Variants in SHROOM4 observed in about 807,000 individuals in gnomAD.
SHROOM4 encodes protein Shroom4.
A neutral mutation model predicts 80.3 loss-of-function variants in SHROOM4; 17 were observed. The ratio of observed to expected loss-of-function variants is 0.21; its 90% CI spans 0.14 to 0.32. The LOEUF is 0.32. SHROOM4 is among the 10% of genes least tolerant of loss of function. SHROOM4 has a pLI of 1.00. For missense variants in SHROOM4, 993 were observed against 1,140.3 expected (o/e 0.87, Z 1.86); for synonymous variants, 400 against 437.5 (o/e 0.91, Z 1.07).
intron 5 of SHROOM4, among the ~76,000 whole-genome samples, chrX:50,610,352 T>TCTCTCACACACA (rs782591424): frequency 0.013 from 1,149 of 91,677 alleles, 19 homozygotes; most frequent in African/African-American, 0.04. Context: ...TCTCTCTCTC[T>TCTCTCACACACA]CACACACACA....
At chrX:50,610,383 C>G (rs868918591) in intron 5 of SHROOM4, among the ~76,000 whole-genome samples, 27 of 110,006 alleles carry the variant, frequency 2.5e-4, no homozygotes, top group Admixed American at 1.9e-3. Context: ...CACACACACA[C>G]AGTGATGGAC....
chrX:50,743,361 C>T lies in SHROOM4; in HGVS notation c.118-47424G>A, dbSNP rs782424611. ...GAGGGAGAAGGAATATGTAATTACA[C>T]TGTCTTAATCACTACACAATTACCT... On this transcript the variant is annotated intron_variant, in intron 1 of 8. Transcript: ENST00000376020. Among the ~76,000 whole-genome samples the T allele has an allele frequency of 8.1e-5, 9 of 111,602 alleles. No individual in the cohort carries two copies. The South Asian group carries it at 3.4e-3, about 42-fold the overall frequency.
At chrX:50,611,034 G>C (rs1929949188) in intron 5 of SHROOM4, among the ~76,000 whole-genome samples, 1 of 109,650 alleles carries the variant, frequency 9.1e-6, no homozygotes. Flanking sequence ...GGCCCATTGA[G>C]TATATTTTTA....
rs782650760 is a variant in SHROOM4 at position 50,652,553 on chromosome X, T to C, written c.270-14245A>G. On this transcript the variant is annotated intron_variant, in intron 2 of 8. Transcript: ENST00000376020. ...TCACTCTGATGATAGTTTCTTTTGCTGTGCAGAAGCTCTTTAGTTTAATTA... is the reference window on the plus strand; with the variant it reads ...TCACTCTGATGATAGTTTCTTTTGCCGTGCAGAAGCTCTTTAGTTTAATTA... Among the ~76,000 whole-genome samples the C allele has an allele frequency of 4.5e-5, 5 of 112,049 alleles. No individual in the cohort carries two copies. In the East Asian group the frequency reaches 8.5e-4, roughly 19 times the overall value.
chrX:50,662,963 G>A (rs899840285), intron 2 of SHROOM4, among the ~76,000 whole-genome samples: 2 of 111,426 alleles, frequency 1.8e-5, no homozygotes, highest in East Asian at 5.7e-4. Flanking sequence ...AAGATGTTTG[G>A]CTGTGAAGGA....
chrX:50,743,724 T>C (rs1439872247), intron 1 of SHROOM4, among the ~76,000 whole-genome samples: 1 of 111,984 alleles, frequency 8.9e-6, no homozygotes, highest in Non-Finnish European at 1.9e-5. Flanking sequence ...CCCAAAGTGC[T>C]GGGATTACAG....
At chrX:50,806,498 G>A (rs1462542305) in intron 1 of SHROOM4, among the ~76,000 whole-genome samples, 2 of 112,069 alleles carry the variant, frequency 1.8e-5, no homozygotes, top group African/African-American at 6.5e-5. Flanking sequence ...GAGGTATAAG[G>A]AGACAAACCT....
chrX:50,812,557 CTGAT>C (rs1557273541), intron 1 of SHROOM4, among the ~76,000 whole-genome samples: 1 of 110,505 alleles, frequency 9.0e-6, no homozygotes, highest in East Asian at 2.9e-4. Context: ...ACTCCTCAAT[CTGAT>C]TGGTACACCC....
intron 1 of SHROOM4, among the ~76,000 whole-genome samples, chrX:50,754,067 A>AT (rs1225339673): frequency 1.8e-5 from 2 of 112,344 alleles, no homozygotes; most frequent in Non-Finnish European, 3.8e-5. Context: ...ATTGACAGGT[A>AT]TTCTGCCCAA....
At position 50,642,671 on chromosome X, in the gene SHROOM4, G is replaced by A. The variant is rs782601419; in HGVS notation, c.270-4363C>T. ...GTAGAGATGGGGTTTCACCATGTTG[G>A]CCAGGCTGGTCTTGAACTCCTGGCC... On this transcript the variant is annotated intron_variant, in intron 2 of 8. Coordinates refer to ENST00000376020, the MANE Select transcript of SHROOM4 (RefSeq NM_020717.5). Among the ~76,000 whole-genome samples the A allele has an allele frequency of 2.3e-3, 256 of 111,290 alleles. 1 individual carries two copies. Among genetic ancestry groups the A allele is most frequent in the Non-Finnish European group, 4.4e-3 (233 of 53,013 alleles).
At chrX:50,813,811 T>C (rs111399801) in intron 1 of SHROOM4, 91 bp downstream of exon 1, 15 of 676,774 alleles carry the variant, frequency 2.2e-5, no homozygotes, top group African/African-American at 1.7e-4. Context: ...AGTTTCAAAG[T>C]TGGCCTGAGG....
chrX:50,675,187 G>A (rs1488528154), intron 2 of SHROOM4, among the ~76,000 whole-genome samples: 1 of 111,293 alleles, frequency 9.0e-6, no homozygotes, highest in Non-Finnish European at 1.9e-5. Flanking sequence ...TGGAGGGTGG[G>A]AGGAGGGAGA....
chrX:50,649,090 G>T (rs1444809393), intron 2 of SHROOM4, among the ~76,000 whole-genome samples: 1 of 112,123 alleles, frequency 8.9e-6, no homozygotes, highest in Non-Finnish European at 1.9e-5. Context: ...AGAATCAACA[G>T]CGTTGGACTG....
Position 50,594,817 on chromosome X carries a change from G to A in SHROOM4, c.*1878C>T, listed in dbSNP as rs782538651. On this transcript the variant is annotated 3_prime_UTR_variant, in exon 9 of 9. Transcript: ENST00000376020. Reference sequence around the variant, plus strand: ...AATAAAGTAGAATCTTCCACTGGAGGGGAGAATGGCAGGGTTGCCATTCTA... The same window carrying A: ...AATAAAGTAGAATCTTCCACTGGAGAGGAGAATGGCAGGGTTGCCATTCTA... 2.7e-5 allele frequency: 3 copies of A among 111,377 alleles called. No individual in the cohort carries two copies. Among genetic ancestry groups the A allele is most frequent in the Non-Finnish European group, 5.7e-5 (3 of 53,083 alleles). 9.2% of individuals were successfully genotyped at this position (111,377 alleles called of 1,213,427 possible). A position where few individuals can be genotyped will look rare whatever the true frequency, so the allele number is the denominator to read the frequency against.
chrX:50,589,983 A>C lies in SHROOM4; in HGVS notation c.*6712T>G, dbSNP rs1928834358. ...GATATAGCTATTCTAGTGGGTATGA[A>C]GTGGTATCTCATTGTGGTCTTGATT... is the stretch of plus-strand genomic sequence containing the variant. On this transcript the variant is annotated 3_prime_UTR_variant, in exon 9 of 9. Coordinates refer to ENST00000376020, the MANE Select transcript of SHROOM4 (RefSeq NM_020717.5). Among the ~76,000 whole-genome samples the C allele has an allele frequency of 8.9e-6, 1 of 111,741 alleles. No individual in the cohort carries two copies. The highest frequency in any genetic ancestry group is 9.5e-5 in the Admixed American group (1 of 10,543).
chrX:50,577,901 A>AC, the SHROOM4 span, among the ~76,000 whole-genome samples: 13 of 111,365 alleles, frequency 1.2e-4, no homozygotes, highest in South Asian at 3.8e-4. Context: ...GGACACTGAT[A>AC]CCCCCCCAGC....
At chrX:50,807,884 A>T (rs782409668) in intron 1 of SHROOM4, among the ~76,000 whole-genome samples, 2 of 111,957 alleles carry the variant, frequency 1.8e-5, no homozygotes, top group Non-Finnish European at 3.8e-5. Flanking sequence ...ATTTTGACAC[A>T]GGGCCTTGGT....
At chrX:50,622,992 T>C (rs1188854348) in intron 5 of SHROOM4, among the ~76,000 whole-genome samples, 1 of 111,817 alleles carries the variant, frequency 8.9e-6, no homozygotes, top group African/African-American at 3.3e-5. Flanking sequence ...CATCCTCACT[T>C]TCTGAATCAG....
intron 4 of SHROOM4, among the ~76,000 whole-genome samples, chrX:50,627,890 C>A: frequency 8.9e-6 from 1 of 111,809 alleles, no homozygotes; most frequent in Non-Finnish European, 1.9e-5. Context: ...ACTAAGGGAG[C>A]ACTTAGGGAC....
Sources: allele counts gnomAD v4.1 joint callset (sites outside exome capture counted in the v4.1 genomes callset), GRCh38; gene constraint gnomAD v4.1.1; transcripts MANE v1.5; gene names NCBI Gene and HGNC (gene_info 2026-07-23, HGNC 2026-07-21).